The following OGN variants were observed in gnomAD, a reference collection of about 807,000 sequenced individuals.
The protein encoded by OGN is osteoglycin.
In OGN, 19 loss-of-function variants were observed where a neutral mutation model predicts 30.8. The ratio of observed to expected loss-of-function variants is 0.62; its 90% CI spans 0.43 to 0.90. The LOEUF (loss-of-function observed/expected upper bound fraction) is 0.90. OGN is among the 40% of genes least tolerant of loss of function. The pLI is 0.00. For synonymous variants in OGN, 126 were observed against 128.3 expected (o/e 0.98, Z 0.12); for missense variants, 283 against 349.7 (o/e 0.81, Z 1.52).
rs554926077 is a variant in OGN at position 92,385,496 on chromosome 9, T to C, written c.*124A>G. On this transcript the variant is annotated 3_prime_UTR_variant, in exon 7 of 7. Transcript: ENST00000375561. The stretch of plus-strand genomic sequence containing the variant: ...AGATTTTGAACATCCTTGCTTAAAA[T>C]ATTAAATTCCTTCAAAATGAGATAC... 1.3e-5 allele frequency: 11 copies of C among 828,050 alleles called. No homozygotes were observed. Among genetic ancestry groups the C allele is most frequent in the Middle Eastern group, 3.3e-4 (1 of 3,072 alleles). 51.3% of individuals were successfully genotyped at this position (828,050 alleles called of 1,614,324 possible). A position where few individuals can be genotyped will look rare whatever the true frequency, so the allele number is the denominator to read the frequency against.
At chr9:92,391,928 A>G (rs935940016) in intron 4 of OGN, among the ~76,000 whole-genome samples, 19 of 152,124 alleles carry the variant, frequency 1.2e-4, no homozygotes, top group African/African-American at 3.4e-4. Context: ...CTATACTTCA[A>G]TCCACATTTG....
rs752557762 is a variant in OGN at position 92,393,067 on chromosome 9, A to T, written c.427+19T>A. 1.1e-5 allele frequency: 18 copies of T among 1,602,766 alleles called. No individual in the cohort carries two copies. The Admixed American group carries it at 3.0e-4, about 27-fold the overall frequency. ...ACTAATACGAGTTAATACTAATATC[A>T]TATTTCAGCTTAACTTACGTATGTC... On this transcript the variant is annotated intron_variant, in intron 4 of 6. Coordinates refer to ENST00000375561, the MANE Select transcript of OGN (RefSeq NM_014057.5).
intron 5 of OGN, 110 bp downstream of exon 5, chr9:92,389,739 TATTAA>T (rs1198809130): frequency 8.9e-6 from 6 of 673,966 alleles, no homozygotes; most frequent in Non-Finnish European, 1.5e-5. Flanking sequence ...TGTCTTCATT[TATTAA>T]ATCAAAATAG....
intron 5 of OGN, among the ~76,000 whole-genome samples, chr9:92,386,593 C>T (rs1159860187): frequency 6.6e-6 from 1 of 151,984 alleles, no homozygotes; most frequent in South Asian, 2.1e-4. Context: ...ACTTCTGGTA[C>T]TCTTTGTGTT....
chr9:92,385,792 T>A lies in OGN; in HGVS notation c.727-2A>T. ...TGTAATTGAAGCTATGTTGTTGAACTGAAAAAAAACGAGGAAAACATTGTT... is the reference window on the plus strand; with the variant it reads ...TGTAATTGAAGCTATGTTGTTGAACAGAAAAAAAACGAGGAAAACATTGTT... On this transcript the variant is annotated splice_acceptor_variant, in intron 6 of 6. Coordinates refer to ENST00000375561, the MANE Select transcript of OGN (RefSeq NM_014057.5). LOFTEE classifies it high-confidence loss of function. The A allele has an allele frequency of 6.2e-7, 1 of 1,612,284 alleles. No homozygotes were observed. The highest frequency in any genetic ancestry group is 8.5e-7 in the Non-Finnish European group (1 of 1,179,388).
intron 5 of OGN, 67 bp from the exon 6 acceptor site, chr9:92,386,363 A>T (rs1349009915): frequency 1.2e-5 from 11 of 906,976 alleles, no homozygotes; most frequent in Non-Finnish European, 1.9e-5. Flanking sequence ...TTCAAGCAAT[A>T]TATATGTGCA....
rs1439724165 is a variant in OGN at position 92,385,691 on chromosome 9, G to A, written c.826C>T (p.Pro276Ser). The A allele has an allele frequency of 1.2e-6, 2 of 1,614,124 alleles. No homozygotes were observed. Among genetic ancestry groups the A allele is most frequent in the Non-Finnish European group, 1.7e-6 (2 of 1,179,996 alleles). ...RIEEIRLEGN[P>S]IVLGKHPNSF... ...TTTGGATGCTTTCCCAGGACGATTG[G>A]ATTGCCCTCCAGGCGTATCTCTTCA... Residue 276 changes from proline to serine, a missense_variant, in exon 7 of 7, where the codon CCA becomes TCA. Physicochemically the swap from Pro to Ser is moderately conservative, Grantham distance 74 (BLOSUM62 -1). Coordinates refer to ENST00000375561, the MANE Select transcript of OGN (RefSeq NM_014057.5).
intron 5 of OGN, among the ~76,000 whole-genome samples, chr9:92,387,054 A>G (rs1353519802): frequency 2.6e-5 from 3 of 113,610 alleles, no homozygotes; most frequent in South Asian, 7.0e-4. Flanking sequence ...TCTCAAAAAG[A>G]AAAAAAAAAA....
intron 3 of OGN, among the ~76,000 whole-genome samples, chr9:92,395,941 G>A (rs367584095): frequency 6.6e-6 from 1 of 151,018 alleles, no homozygotes; most frequent in Non-Finnish European, 1.5e-5. Context: ...AATGTTTGCC[G>A]ACCACCAAGA....
At position 92,401,145 on chromosome 9, in the gene OGN, T is replaced by G. The variant is rs1843094824; in HGVS notation, c.215A>C (p.Gln72Pro). 1 of 1,559,970 alleles carries G rather than the reference T, an allele frequency of 6.4e-7. No homozygotes were observed. Among genetic ancestry groups the G allele is most frequent in the African/African-American group, 1.4e-5 (1 of 73,804 alleles). ...TGTTATTGCCTCATCTTTTTGTAAT[T>G]GAAGACTTTTCTCATTGGGTATTAT... is the stretch of plus-strand genomic sequence containing the variant. ...TVIIPNEKSL[Q>P]LQKDEAITPL... Residue 72 changes from glutamine to proline, a missense_variant, in exon 3 of 7, where the codon CAA (glutamine) becomes CCA (proline). Transcript: ENST00000375561.
At chr9:92,396,405 A>T (rs571823396) in intron 3 of OGN, among the ~76,000 whole-genome samples, 119 of 151,818 alleles carry the variant, frequency 7.8e-4, no homozygotes, top group African/African-American at 2.7e-3. Context: ...TAGGATTTTG[A>T]TTGGGATTGT....
Position 92,386,201 on chromosome 9 carries a change from C to G in OGN, c.726G>C (p.Gln242His). 6.3e-7 allele frequency: 1 copy of G among 1,595,230 alleles called. No individual in the cohort carries two copies. Among genetic ancestry groups the G allele is most frequent in the Non-Finnish European group, 8.6e-7 (1 of 1,163,086 alleles). ...LPESLRVIHL[Q>H]FNNIASITDD... is the part of the protein sequence containing the mutation. ...GATATTGTGAAAGGAACTATCATAC[C>G]TGAAGATGAATTACACGTAGACTTT... Residue 242 changes from glutamine (Q) to histidine (H), a missense_variant and splice_region_variant, in exon 6 of 7, where the codon CAG becomes CAC. Coordinates refer to ENST00000375561, the MANE Select transcript of OGN (RefSeq NM_014057.5).
At chr9:92,395,944 C>T (rs185021370) in intron 3 of OGN, among the ~76,000 whole-genome samples, 1 of 151,592 alleles carries the variant, frequency 6.6e-6, no homozygotes, top group East Asian at 1.9e-4. Flanking sequence ...GTTTGCCGAC[C>T]ACCAAGATTT....
Position 92,393,170 on chromosome 9 carries a change from G to A in OGN, c.343C>T (p.Pro115Ser). 1 of 1,613,678 alleles carries A rather than the reference G, an allele frequency of 6.2e-7. No homozygotes were observed. The highest frequency in any genetic ancestry group is 8.5e-7 in the Non-Finnish European group (1 of 1,179,746). Residue 115 changes from proline (P) to serine (S), a missense_variant, in exon 4 of 7, where the codon CCA becomes TCA. Transcript: ENST00000375561. The stretch of plus-strand genomic sequence containing the variant: ...TAGGCTGATTCCTTTGGTAAGGGTG[G>A]TACAGCATCAATGTCAACTTCTTCA... ...YCEEVDIDAV[P>S]PLPKESAYLY...
At chr9:92,389,302 A>G (rs930949814) in intron 5 of OGN, among the ~76,000 whole-genome samples, 27 of 152,180 alleles carry the variant, frequency 1.8e-4, no homozygotes, top group Non-Finnish European at 3.8e-4. Context: ...TTTCCTACAT[A>G]ATATTTGCTT....
intron 1 of OGN, among the ~76,000 whole-genome samples, chr9:92,404,090 G>C (rs1843228566): frequency 6.6e-6 from 1 of 152,084 alleles, no homozygotes; most frequent in Admixed American, 6.6e-5. Context: ...GCAGGCTAGA[G>C]GAAATACCGA....
rs143907595 is a variant in OGN, at chr9:92,390,113, C to T, written c.428-57G>A. ...GTAAGTAAAATTCTTATTGTATGGACTGAAGAAAAGCATTTGTTTAACAGA... is the reference window on the plus strand; with the variant it reads ...GTAAGTAAAATTCTTATTGTATGGATTGAAGAAAAGCATTTGTTTAACAGA... On this transcript the variant is annotated intron_variant, in intron 4 of 6. Transcript: ENST00000375561. 1,936 of 999,536 alleles carry T rather than the reference C, an allele frequency of 1.9e-3. 27 individuals are homozygous for T. The African/African-American group carries it at 0.027, about 14-fold the overall frequency. The allele number at this position is 999,536 out of a possible 1,614,324, so 61.9% of individuals were successfully genotyped here. A position where few individuals can be genotyped will look rare whatever the true frequency, so the allele number is the denominator to read the frequency against.
chr9:92,395,116 C>A lies in OGN; in HGVS notation c.269-1872G>T, dbSNP rs966334479. On this transcript the variant is annotated intron_variant, in intron 3 of 6. Transcript: ENST00000375561. ...TATACGATTTTTACATATGTACACCCCCATGAAACGTTCACTACAAGTGAG... is the reference window on the plus strand; with the variant it reads ...TATACGATTTTTACATATGTACACCACCATGAAACGTTCACTACAAGTGAG... Among the ~76,000 whole-genome samples, 7 of 152,152 alleles carry A rather than the reference C, an allele frequency of 4.6e-5. No individual in the cohort carries two copies. The South Asian group carries it at 1.2e-3, about 27-fold the overall frequency.
intron 4 of OGN, among the ~76,000 whole-genome samples, chr9:92,391,261 G>A (rs1842669287): frequency 6.6e-6 from 1 of 151,080 alleles, no homozygotes; most frequent in South Asian, 2.1e-4. Flanking sequence ...AAAAAAATTA[G>A]CCAGGCGTGG....
Sources: gnomAD v4.1 joint callset for allele counts (sites outside exome capture counted in the v4.1 genomes callset) on GRCh38, gnomAD v4.1.1 for gene constraint, MANE v1.5 for transcripts, NCBI Gene and HGNC (gene_info 2026-07-23, HGNC 2026-07-21) for gene names.